The following NRP1 variants were observed in gnomAD, a reference collection of about 807,000 sequenced individuals.
NRP1 encodes the protein neuropilin 1.
NRP1 carries 35 observed loss-of-function variants against 106.7 expected under a neutral mutation model. That is an observed-to-expected ratio of 0.33 (90% CI 0.25 to 0.43). NRP1 has a LOEUF of 0.43. Ranked by LOEUF, NRP1 falls within the 20% of genes least tolerant of loss-of-function variation. The pLI is 1.00. For synonymous variants in NRP1, 437 were observed against 417.9 expected (o/e 1.05, Z -0.56); for missense variants, 1,024 against 1,170.4 (o/e 0.87, Z 1.83).
chr10:33,266,775 C>A (rs1462915740), intron 3 of NRP1, among the ~76,000 whole-genome samples: 1 of 152,130 alleles, frequency 6.6e-6, no homozygotes, highest in Admixed American at 6.5e-5. Context: ...CCCCTCTTGG[C>A]CTTGTCCTTG....
At chr10:33,192,465 A>G (rs775710932) in intron 12 of NRP1, 47 bp from the exon 13 acceptor site, 32 of 1,604,196 alleles carry the variant, frequency 2.0e-5, no homozygotes, top group Non-Finnish European at 2.6e-5. Context: ...AAGAAAGGCA[A>G]ATTTGATCAT....
At chr10:33,202,599 A>G (rs763093223) in intron 11 of NRP1, 3 of 1,466,748 alleles carry the variant, frequency 2.0e-6, no homozygotes, top group Admixed American at 2.3e-5. Context: ...GAAAATAAGG[A>G]TCGGTTTAGT....
At chr10:33,244,524 C>G (rs1319029680) in intron 6 of NRP1, among the ~76,000 whole-genome samples, 2 of 152,152 alleles carry the variant, frequency 1.3e-5, no homozygotes, top group African/African-American at 2.4e-5. Flanking sequence ...CAGACAGGAA[C>G]AGCCTTTCAC....
chr10:33,283,807 A>G (rs1844314841), intron 2 of NRP1, among the ~76,000 whole-genome samples: 1 of 152,248 alleles, frequency 6.6e-6, no homozygotes, highest in African/African-American at 2.4e-5. Flanking sequence ...CAATGGCCAT[A>G]AACATTACCT....
At chr10:33,206,326 G>A (rs868474930) in intron 10 of NRP1, 1 of 518,974 alleles carries the variant, frequency 1.9e-6, no homozygotes, top group Middle Eastern at 3.2e-4. Context: ...CCTGGCACAT[G>A]GACATTCTTG....
At chr10:33,214,213 T>A (rs1838567831) in intron 8 of NRP1, among the ~76,000 whole-genome samples, 1 of 152,066 alleles carries the variant, frequency 6.6e-6, no homozygotes, top group Non-Finnish European at 1.5e-5. Flanking sequence ...GGAGGTGGCA[T>A]TTGAATTGAG....
chr10:33,330,690 A>G lies in NRP1; in HGVS notation c.248+18T>C. 3.1e-6 allele frequency: 5 copies of G among 1,604,772 alleles called. No homozygotes were observed. The highest frequency in any genetic ancestry group is 4.3e-6 in the Non-Finnish European group (5 of 1,173,848). On this transcript the variant is annotated intron_variant, in intron 2 of 16. Transcript: ENST00000374867. The stretch of plus-strand genomic sequence containing the variant: ...TAGATGGTGCTGTGGTGCCCTGTTC[A>G]AAAACATTCCCACTTACTTGCAGTC...
Position 33,235,982 on chromosome 10 carries a change from A to G in NRP1, c.982-9693T>C, listed in dbSNP as rs140026639. ...GCTTGGTCAAAAAGATGACATTTTA[A>G]TGTCCCCTCCTCCCCTTCCTGCAAA... On this transcript the variant is annotated intron_variant, in intron 6 of 16. Coordinates refer to ENST00000374867, the MANE Select transcript of NRP1 (RefSeq NM_003873.7). Among the ~76,000 whole-genome samples the G allele has an allele frequency of 3.7e-3, 557 of 152,340 alleles. 2 individuals are homozygous for G. The highest frequency in any genetic ancestry group is 0.013 in the African/African-American group (535 of 41,582).
rs1182168631 is a variant in NRP1, at chr10:33,236,881, C to T, written c.982-10592G>A. 4.6e-5 allele frequency among the ~76,000 whole-genome samples: 7 copies of T among 152,314 alleles called. No individual in the cohort carries two copies. In the Middle Eastern group the frequency reaches 0.01, roughly 222 times the overall value. ...TGTCAGGTATTGTACTAAGTGCTAA[C>T]TTCCTGTACCTCATCTTCCATTTTC... On this transcript the variant is annotated intron_variant, in intron 6 of 16. Coordinates refer to ENST00000374867, the MANE Select transcript of NRP1 (RefSeq NM_003873.7).
At chr10:33,333,232 A>AT (rs5784335) in intron 1 of NRP1, among the ~76,000 whole-genome samples, 6 of 151,048 alleles carry the variant, frequency 4.0e-5, no homozygotes, top group African/African-American at 9.7e-5. Context: ...CATGTTCATA[A>AT]TTTTTTTTTT....
At chr10:33,221,396 G>C (rs773568454) in intron 8 of NRP1, among the ~76,000 whole-genome samples, 2 of 152,110 alleles carry the variant, frequency 1.3e-5, no homozygotes, top group Non-Finnish European at 2.9e-5. Flanking sequence ...CCACATGCCA[G>C]GCTGTGCTAC....
intron 2 of NRP1, among the ~76,000 whole-genome samples, chr10:33,310,011 G>C (rs1393720857): frequency 3.6e-4 from 53 of 148,068 alleles, no homozygotes; most frequent in African/African-American, 1.3e-3. Flanking sequence ...GCAGTGGCGC[G>C]ATCTCCGCTC....
At chr10:33,195,279 G>C (rs1308701818) in intron 12 of NRP1, 7 of 336,266 alleles carry the variant, frequency 2.1e-5, no homozygotes, top group Non-Finnish European at 4.1e-5. Flanking sequence ...AATATACTCC[G>C]AACTGCTGCA....
At chr10:33,220,107 T>C (rs1485407986) in intron 8 of NRP1, among the ~76,000 whole-genome samples, 2 of 152,210 alleles carry the variant, frequency 1.3e-5, no homozygotes, top group African/African-American at 2.4e-5. Flanking sequence ...AGTCTGTCTG[T>C]GGGATGGAAA....
At chr10:33,198,272 G>C (rs2132666299) in intron 11 of NRP1, among the ~76,000 whole-genome samples, 1 of 151,826 alleles carries the variant, frequency 6.6e-6, no homozygotes, top group South Asian at 2.1e-4. Context: ...CTCCCGAGTA[G>C]CTGGGATTAC....
chr10:33,238,543 G>C (rs1346630197), intron 6 of NRP1, among the ~76,000 whole-genome samples: 1 of 152,094 alleles, frequency 6.6e-6, no homozygotes, highest in African/African-American at 2.4e-5. Context: ...AAAGAGTCAA[G>C]TAAATAGTAA....
At chr10:33,227,486 A>C (rs900700945) in intron 6 of NRP1, among the ~76,000 whole-genome samples, 1 of 152,134 alleles carries the variant, frequency 6.6e-6, no homozygotes, top group African/African-American at 2.4e-5. Context: ...CCCTCCCCAC[A>C]TCTTCCTGTG....
At chr10:33,256,498 T>C in intron 4 of NRP1, 27 bp from the exon 5 acceptor site, 1 of 1,606,782 alleles carries the variant, frequency 6.2e-7, no homozygotes, top group Non-Finnish European at 8.5e-7. Flanking sequence ...ACAGACGATG[T>C]CAAAATGTCT....
At chr10:33,259,665 A>C (rs1842444863) in intron 4 of NRP1, among the ~76,000 whole-genome samples, 1 of 152,204 alleles carries the variant, frequency 6.6e-6, no homozygotes, top group African/African-American at 2.4e-5. Context: ...TCAGATGTGA[A>C]AGGAATATAG....
Sources: gnomAD v4.1 joint callset for allele counts (sites outside exome capture counted in the v4.1 genomes callset) on GRCh38, gnomAD v4.1.1 for gene constraint, MANE v1.5 for transcripts, NCBI Gene and HGNC (gene_info 2026-07-23, HGNC 2026-07-21) for gene names.